UNC13C: variants seen among roughly 807,000 people sequenced by gnomAD.
UNC13C encodes the protein protein unc-13 homolog C.
In UNC13C, 174 loss-of-function variants were observed where a neutral mutation model predicts 245.4. That is an observed-to-expected ratio of 0.71 (90% CI 0.63 to 0.80). The LOEUF is 0.80. Among genes scored for constraint, UNC13C ranks in the 30% least tolerant of loss-of-function variants. The pLI, the probability that UNC13C is intolerant of heterozygous loss-of-function variation, is 0.00. For missense variants in UNC13C, 2,829 were observed against 2,602.9 expected, an observed-to-expected ratio of 1.09 and a Z score of -1.89; for synonymous variants, 992 against 895.1, an observed-to-expected ratio of 1.11 and a Z score of -1.93.
At chr15:54,057,571 G>T (rs1210902002) in intron 2 of UNC13C, among the ~76,000 whole-genome samples, 2 of 152,020 alleles carry the variant, frequency 1.3e-5, no homozygotes, top group African/African-American at 4.8e-5. Flanking sequence ...AAGTTAACCA[G>T]GATATCCAGG....
chr15:54,187,113 C>A (rs1272587223), intron 4 of UNC13C, among the ~76,000 whole-genome samples: 1 of 152,016 alleles, frequency 6.6e-6, no homozygotes, highest in Non-Finnish European at 1.5e-5. Context: ...ATCAATTTTA[C>A]ACATAAAAGT....
intron 17 of UNC13C, among the ~76,000 whole-genome samples, chr15:54,377,676 T>A (rs1388827188): frequency 2.6e-5 from 4 of 152,168 alleles, no homozygotes. Flanking sequence ...CTGCTAAGGG[T>A]CCATTCCTTA....
chr15:53,924,841 CACA>C, the UNC13C span, among the ~76,000 whole-genome samples: 3 of 152,140 alleles, frequency 2.0e-5, no homozygotes, highest in Admixed American at 6.5e-5. Flanking sequence ...CTTTTTAAAG[CACA>C]AATAAATTCT....
intron 4 of UNC13C, among the ~76,000 whole-genome samples, chr15:54,197,487 A>G (rs2034393843): frequency 6.6e-6 from 1 of 152,086 alleles, no homozygotes; most frequent in Non-Finnish European, 1.5e-5. Flanking sequence ...AAAAATTAAT[A>G]AGCACATTTA....
the UNC13C span, among the ~76,000 whole-genome samples, chr15:53,915,142 G>A: frequency 6.6e-6 from 1 of 152,154 alleles, no homozygotes; most frequent in Non-Finnish European, 1.5e-5. Flanking sequence ...GGCCTGCTTT[G>A]GCAAAACTGC....
At chr15:54,131,765 G>A (rs898108911) in intron 2 of UNC13C, among the ~76,000 whole-genome samples, 1 of 152,128 alleles carries the variant, frequency 6.6e-6, no homozygotes, top group South Asian at 2.1e-4. Context: ...AAGGACTTTT[G>A]TGTTAGAACC....
At chr15:53,930,988 C>T in the UNC13C span, among the ~76,000 whole-genome samples, 1 of 152,062 alleles carries the variant, frequency 6.6e-6, no homozygotes, top group Admixed American at 6.6e-5. Context: ...TGAGCTTTTG[C>T]TAAATTAAAT....
At chr15:54,174,905 G>A (rs541884992) in intron 4 of UNC13C, among the ~76,000 whole-genome samples, 103 of 152,202 alleles carry the variant, frequency 6.8e-4, no homozygotes, top group African/African-American at 2.3e-3. Context: ...CACAATCTTT[G>A]AATTTAAACT....
chr15:54,531,897 T>C (rs1895757700), intron 25 of UNC13C, among the ~76,000 whole-genome samples: 1 of 152,174 alleles, frequency 6.6e-6, no homozygotes, highest in African/African-American at 2.4e-5. Context: ...ATTTGCTTAT[T>C]CTGGATATTT....
chr15:54,563,473 C>G (rs1897377131), intron 29 of UNC13C, among the ~76,000 whole-genome samples: 1 of 151,920 alleles, frequency 6.6e-6, no homozygotes, highest in South Asian at 2.1e-4. Context: ...CTACATTAGG[C>G]CAGTCTAAGT....
At chr15:54,595,426 G>C (rs1291521149) in intron 30 of UNC13C, among the ~76,000 whole-genome samples, 1 of 152,002 alleles carries the variant, frequency 6.6e-6, no homozygotes, top group Non-Finnish European at 1.5e-5. Context: ...AAGTATTTGG[G>C]GTGTCGCCCG....
intron 32 of UNC13C, among the ~76,000 whole-genome samples, chr15:54,626,109 A>C (rs1419732073): frequency 6.6e-6 from 1 of 152,178 alleles, no homozygotes; most frequent in Non-Finnish European, 1.5e-5. Context: ...CAAGAATATG[A>C]GAATGAACAA....
At chr15:53,972,797 G>T in the UNC13C span, 3 of 152,124 alleles carry the variant, frequency 2.0e-5, no homozygotes, top group African/African-American at 7.2e-5. Context: ...TCAAAAAAAG[G>T]AAAGGAAGTC....
chr15:54,343,895 AG>A (rs140569188), intron 17 of UNC13C, among the ~76,000 whole-genome samples: 15,029 of 152,100 alleles, frequency 0.099, 1,000 homozygotes, highest in Non-Finnish European at 0.14. Context: ...ATTTGGGGTA[AG>A]GGGGGGTCCT....
At chr15:54,050,754 A>C in intron 2 of UNC13C, 1 of 580,900 alleles carries the variant, frequency 1.7e-6, no homozygotes, top group Admixed American at 1.9e-5. Flanking sequence ...CTAGTGAACA[A>C]GTTCCTCTTC....
chr15:54,095,122 A>G (rs12594549), intron 2 of UNC13C, among the ~76,000 whole-genome samples: 35,755 of 152,066 alleles, frequency 0.24, 4,550 homozygotes, highest in East Asian at 0.38. Flanking sequence ...GGCTCTCCCA[A>G]CATGGAAGCC....
the UNC13C span, among the ~76,000 whole-genome samples, chr15:53,862,896 A>T: frequency 6.6e-6 from 1 of 152,110 alleles, no homozygotes; most frequent in East Asian, 1.9e-4. Flanking sequence ...GGCTCCCCCA[A>T]ATTCAAGTCC....
intron 2 of UNC13C, among the ~76,000 whole-genome samples, chr15:54,058,800 G>T (rs1247698308): frequency 1.3e-5 from 2 of 152,154 alleles, no homozygotes; most frequent in Non-Finnish European, 2.9e-5. Flanking sequence ...TGCAAGGCTG[G>T]TTCAACATAT....
chr15:54,322,841 G>T (rs1014251906), intron 14 of UNC13C, among the ~76,000 whole-genome samples: 1 of 151,952 alleles, frequency 6.6e-6, no homozygotes, highest in Non-Finnish European at 1.5e-5. Flanking sequence ...AGATACCAAA[G>T]GTTTTCAGGG....
Sources: gnomAD v4.1 joint callset for allele counts (sites outside exome capture counted in the v4.1 genomes callset) on GRCh38, gnomAD v4.1.1 for gene constraint, MANE v1.5 for transcripts, NCBI Gene and HGNC (gene_info 2026-07-23, HGNC 2026-07-21) for gene names.